SEMA5B: variants seen among roughly 807,000 people sequenced by gnomAD.
SEMA5B encodes the protein semaphorin 5B.
A neutral mutation model predicts 135.0 loss-of-function variants in SEMA5B; 66 were observed. That is an observed-to-expected ratio of 0.49 (90% CI 0.40 to 0.60). SEMA5B has a LOEUF of 0.60. Ranked by LOEUF, SEMA5B falls within the 20% of genes least tolerant of loss-of-function variation. The probability of loss-of-function intolerance (pLI) is 0.00; values close to 1 mark genes in which losing one functional copy is unlikely to be tolerated. For missense variants in SEMA5B, 1,501 were observed against 1,566.3 expected (o/e 0.96, Z 0.70); for synonymous variants, 690 against 639.5 (o/e 1.08, Z -1.19).
At chr3:122,970,672 G>A (rs532463792) in intron 1 of SEMA5B, among the ~76,000 whole-genome samples, 22 of 152,148 alleles carry the variant, frequency 1.4e-4, no homozygotes, top group African/African-American at 3.1e-4. Context: ...TGAACATCTC[G>A]TTTAATCATC....
In SEMA5B at chr3:122,938,281, T is replaced by A. The variant is rs140215571; in HGVS notation, c.474+1144A>T. Among the ~76,000 whole-genome samples, 11 of 152,240 alleles carry A rather than the reference T, an allele frequency of 7.2e-5. No individual in the cohort carries two copies. The East Asian group carries it at 1.5e-3, about 21-fold the overall frequency. On this transcript the variant is annotated intron_variant, in intron 5 of 22. Coordinates refer to ENST00000357599, the MANE Select transcript of SEMA5B (RefSeq NM_001031702.4). ...GTGGATGGATGGATGGATGGATGGA[T>A]GGGCAGGCTGGCTAGTAAAGGTATG...
At chr3:123,020,212 T>C (rs1942646845) in intron 1 of SEMA5B, among the ~76,000 whole-genome samples, 2 of 152,170 alleles carry the variant, frequency 1.3e-5, no homozygotes, top group Admixed American at 6.5e-5. Context: ...GTTTGTTAAA[T>C]AAATTATGGC....
chr3:122,938,009 T>A (rs556674829), intron 5 of SEMA5B, among the ~76,000 whole-genome samples: 1 of 152,334 alleles, frequency 6.6e-6, no homozygotes, highest in African/African-American at 2.4e-5. Flanking sequence ...GGCTCTGGAC[T>A]GGCTGCCTGT....
chr3:122,946,469 C>T (rs1209267992), intron 3 of SEMA5B, among the ~76,000 whole-genome samples: 1 of 152,048 alleles, frequency 6.6e-6, no homozygotes, highest in Non-Finnish European at 1.5e-5. Flanking sequence ...TCCTAGGGGG[C>T]TTGGAGGCTG....
At chr3:122,920,042 A>G (rs1395599815) in intron 12 of SEMA5B, among the ~76,000 whole-genome samples, 1 of 152,178 alleles carries the variant, frequency 6.6e-6, no homozygotes, top group Admixed American at 6.5e-5. Context: ...GCTTAGAGCC[A>G]TACTAGGCCA....
At chr3:122,975,665 GTGT>G (rs1941292936) in intron 1 of SEMA5B, among the ~76,000 whole-genome samples, 1 of 152,274 alleles carries the variant, frequency 6.6e-6, no homozygotes, top group East Asian at 1.9e-4. Flanking sequence ...ATCATTATTA[GTGT>G]TGTGATTATG....
chr3:122,928,836 G>A (rs550889411), intron 6 of SEMA5B, among the ~76,000 whole-genome samples, 160 bp downstream of exon 6: 93 of 149,566 alleles, frequency 6.2e-4, no homozygotes, highest in African/African-American at 2.1e-3. Flanking sequence ...GGACCAGCTC[G>A]CCACAGGGCT....
At position 123,016,288 on chromosome 3, in the gene SEMA5B, C is replaced by T. The variant is rs186267588; in HGVS notation, c.-39+11176G>A. Among the ~76,000 whole-genome samples, 63 of 152,286 alleles carry T rather than the reference C, an allele frequency of 4.1e-4. 1 individual carries two copies. The highest frequency in any genetic ancestry group is 7.6e-4 in the Non-Finnish European group (52 of 68,030). On this transcript the variant is annotated intron_variant, in intron 1 of 22. Transcript: ENST00000357599. ...TCTGTAGGAAAGGCAACTGTGATGT[C>T]GGTAAGAAGATGCAGTGATCCCTAA... is the stretch of plus-strand genomic sequence containing the variant.
chr3:122,932,109 C>T (rs1051413524), intron 5 of SEMA5B, among the ~76,000 whole-genome samples: 1 of 152,100 alleles, frequency 6.6e-6, no homozygotes, highest in African/African-American at 2.4e-5. Flanking sequence ...GATAAGGTTT[C>T]CCTTTTTTGA....
intron 1 of SEMA5B, among the ~76,000 whole-genome samples, chr3:123,026,151 G>C (rs530638403): frequency 6.6e-6 from 1 of 152,158 alleles, no homozygotes; most frequent in East Asian, 1.9e-4. Flanking sequence ...GATTCACTAG[G>C]GGCTGAAGGA....
chr3:122,992,538 G>A (rs1941910310), intron 1 of SEMA5B, among the ~76,000 whole-genome samples: 2 of 152,142 alleles, frequency 1.3e-5, no homozygotes, highest in Admixed American at 1.3e-4. Context: ...GAAGCAGTAG[G>A]AGAAACTTCT....
At chr3:122,941,894 A>G (rs142952938) in intron 4 of SEMA5B, among the ~76,000 whole-genome samples, 22 of 152,312 alleles carry the variant, frequency 1.4e-4, no homozygotes, top group Middle Eastern at 3.4e-3. Flanking sequence ...CTGTGTGTAA[A>G]TCGACAGTCA....
intron 1 of SEMA5B, among the ~76,000 whole-genome samples, chr3:122,992,022 C>A (rs1393223885): frequency 6.6e-6 from 1 of 151,966 alleles, no homozygotes; most frequent in Non-Finnish European, 1.5e-5. Flanking sequence ...CCGGAGGCAG[C>A]CCAAGCTGAA....
At position 122,913,278 on chromosome 3, in the gene SEMA5B, C is replaced by G. The variant is rs767578964; in HGVS notation, c.2427G>C (p.Pro809=). ...RFTCRAPLAD[P]HGLQFGRRRT... is the part of the protein sequence containing the mutation. ...TTCTCCTGCCGAACTGCAGGCCGTG[C>G]GGGTCTGCAAGGGGCGCGCGGCAGG... Residue 809 remains proline, a synonymous_variant, in exon 17 of 23, where the codon CCG becomes CCC. Transcript: ENST00000357599. 8.2e-6 allele frequency: 13 copies of G among 1,583,066 alleles called. No individual in the cohort carries two copies. In the South Asian group the frequency reaches 1.1e-4, roughly 14 times the overall value.
At chr3:122,958,737 G>C (rs1193936355) in intron 2 of SEMA5B, among the ~76,000 whole-genome samples, 1 of 152,074 alleles carries the variant, frequency 6.6e-6, no homozygotes, top group Non-Finnish European at 1.5e-5. Flanking sequence ...AGCCTTCCTA[G>C]CACTTTTTAG....
At chr3:122,965,353 A>G (rs374252951) in intron 1 of SEMA5B, among the ~76,000 whole-genome samples, 2 of 152,344 alleles carry the variant, frequency 1.3e-5, no homozygotes, top group Middle Eastern at 3.4e-3. Context: ...TTTTGAAGTT[A>G]CAGGTGCCCA....
intron 14 of SEMA5B, 43 bp from the exon 15 acceptor site, chr3:122,914,044 C>T (rs1316390333): frequency 1.3e-6 from 2 of 1,523,150 alleles, no homozygotes; most frequent in Non-Finnish European, 1.8e-6. Flanking sequence ...CCCTCTGAGC[C>T]CTAGCTTCTT....
intron 1 of SEMA5B, among the ~76,000 whole-genome samples, chr3:122,966,793 C>CTA (rs1177143673): frequency 6.7e-6 from 1 of 150,222 alleles, no homozygotes; most frequent in Non-Finnish European, 1.5e-5. Flanking sequence ...CTCCTGACCT[C>CTA]GTGATCTGCC....
chr3:122,948,851 C>A, intron 2 of SEMA5B, 142 bp from the exon 3 acceptor site: 1 of 658,926 alleles, frequency 1.5e-6, no homozygotes, highest in South Asian at 2.5e-5. Context: ...TTGCTCTGCT[C>A]TAGTAAATGC....
Sources: gnomAD v4.1 joint callset for allele counts (sites outside exome capture counted in the v4.1 genomes callset) on GRCh38, gnomAD v4.1.1 for gene constraint, MANE v1.5 for transcripts, NCBI Gene and HGNC (gene_info 2026-07-23, HGNC 2026-07-21) for gene names.